The following MYCBP2 variants were observed in gnomAD, a reference collection of about 807,000 sequenced individuals.
The protein encoded by MYCBP2 is E3 ubiquitin-protein ligase MYCBP2.
Under a neutral mutation model 525.3 loss-of-function variants are expected in MYCBP2, and 120 were observed. The observed-to-expected ratio is 0.23, with a 90% CI of 0.20 to 0.27. The LOEUF (loss-of-function observed/expected upper bound fraction) is 0.27, where lower values mean the gene tolerates loss of function less well. Among genes scored for constraint, MYCBP2 ranks in the 10% least tolerant of loss-of-function variants. The pLI is 1.00. For missense variants in MYCBP2, 4,149 were observed against 5,657.1 expected, an observed-to-expected ratio of 0.73 and a Z score of 8.55; for synonymous variants, 1,894 against 1,955.8, an observed-to-expected ratio of 0.97 and a Z score of 0.83.
At position 77,067,730 on chromosome 13, in the gene MYCBP2, C is replaced by A; in HGVS notation, c.12306G>T (p.Lys4102Asn). 6.2e-7 allele frequency: 1 copy of A among 1,614,138 alleles called. No individual in the cohort carries two copies. Among genetic ancestry groups the A allele is most frequent in the Non-Finnish European group, 8.5e-7 (1 of 1,180,026 alleles). ...CTAGAAACATGTCCAAGATACCCAG[C>A]TTATTCCAGTCTCCTTTCTCTGTTG... The part of the protein sequence containing the change: ...IHSTEKGDWN[K>N]LGILDMFLGC... Residue 4102 changes from lysine (K) to asparagine (N), a missense_variant, in exon 71 of 83, where the codon AAG (lysine) becomes AAT (asparagine). By Grantham distance (94) the Lys-to-Asn change is moderately conservative. Coordinates refer to ENST00000544440, the MANE Select transcript of MYCBP2 (RefSeq NM_015057.5).
At chr13:77,209,162 G>C (rs957239071) in intron 23 of MYCBP2, among the ~76,000 whole-genome samples, 6 of 152,092 alleles carry the variant, frequency 3.9e-5, no homozygotes, top group Admixed American at 6.6e-5. Context: ...ATTGATCAAG[G>C]AGCTGGCAGG....
rs1266798981 is a variant in MYCBP2, at chr13:77,098,323, T to A, written c.8831A>T (p.Asn2944Ile). 6.2e-7 allele frequency: 1 copy of A among 1,611,832 alleles called. No individual in the cohort carries two copies. The highest frequency in any genetic ancestry group is 1.1e-5 in the South Asian group (1 of 91,078). The change falls in exon 56 of 83, where the codon AAT becomes ATT. Residue 2944 changes from asparagine to isoleucine, a missense_variant. This residue lies in a region of MYCBP2 where 653 missense variants were observed against 744.7 expected (regional missense o/e 0.88). Coordinates refer to ENST00000544440, the MANE Select transcript of MYCBP2 (RefSeq NM_015057.5). ...EVCTSSTLKT[N>I]SLTDSTCDDS... ...ATCGCAGGTGCTGTCTGTTAGACTA[T>A]TTGTTTTTAAAGTACTTGAGGTGCA... is the stretch of plus-strand genomic sequence containing the variant.
rs1594201997 is a variant in MYCBP2 at position 77,237,004 on chromosome 13, C to T, written c.2630-3741G>A. On this transcript the variant is annotated intron_variant, in intron 17 of 82. Transcript: ENST00000544440. ...ACATTTTTAAAACAATGTGAATTAT[C>T]TGTTAAAATTTAAGACAGATATATA... Among the ~76,000 whole-genome samples, 3 of 152,132 alleles carry T rather than the reference C, an allele frequency of 2.0e-5. No individual in the cohort carries two copies. In the South Asian group the frequency reaches 6.2e-4, roughly 32 times the overall value.
At chr13:77,078,478 TG>T (rs1181479002) in intron 66 of MYCBP2, among the ~76,000 whole-genome samples, 5 of 152,198 alleles carry the variant, frequency 3.3e-5, no homozygotes, top group Non-Finnish European at 7.3e-5. Flanking sequence ...GACAATAACC[TG>T]TATTAACTCA....
intron 67 of MYCBP2, 103 bp from the exon 68 acceptor site, chr13:77,076,952 C>G (rs1198478772): frequency 8.9e-7 from 1 of 1,119,484 alleles, no homozygotes; most frequent in African/African-American, 1.6e-5. Flanking sequence ...ATATGCTACT[C>G]TTGCTAATAT....
At chr13:77,077,666 T>C (rs533227444) in intron 66 of MYCBP2, 3 of 308,292 alleles carry the variant, frequency 9.7e-6, no homozygotes, top group East Asian at 6.2e-5. Flanking sequence ...CTGACTACGA[T>C]ATGGCTTCCG....
At chr13:77,129,505 T>C (rs942361621) in intron 52 of MYCBP2, 2 of 249,360 alleles carry the variant, frequency 8.0e-6, no homozygotes, top group Non-Finnish European at 1.5e-5. Context: ...AAGCTTAAGA[T>C]ACTCAATGCA....
At chr13:77,237,715 G>C (rs1248180972) in intron 17 of MYCBP2, among the ~76,000 whole-genome samples, 1 of 151,954 alleles carries the variant, frequency 6.6e-6, no homozygotes, top group Non-Finnish European at 1.5e-5. Context: ...ATCTATCACA[G>C]TATGAAATTA....
intron 52 of MYCBP2, chr13:77,129,340 C>A: frequency 2.6e-6 from 1 of 389,550 alleles, no homozygotes; most frequent in Non-Finnish European, 4.5e-6. Context: ...CTAGCACCAA[C>A]ATGGAAATAT....
In MYCBP2 at chr13:77,068,649, G is replaced by A. The variant is rs778276349; in HGVS notation, c.12087C>T (p.Gly4029=). The change falls in exon 70 of 83, where the codon GGC becomes GGT. Residue 4029 remains glycine, a synonymous_variant. Coordinates refer to ENST00000544440, the MANE Select transcript of MYCBP2 (RefSeq NM_015057.5). ...MVLALSGSNV[G]RQYLAQQLTL... is the part of the protein sequence containing the mutation. ...TTAGCTGTTGAGCCAGATATTGCCG[G>A]CCAACGTTAGAGCCACTCAGTGCTA... 2.5e-6 allele frequency: 4 copies of A among 1,614,050 alleles called. No individual in the cohort carries two copies. The highest frequency in any genetic ancestry group is 2.2e-5 in the South Asian group (2 of 91,088).
intron 26 of MYCBP2, among the ~76,000 whole-genome samples, chr13:77,199,475 G>A (rs1267434174): frequency 3.3e-5 from 5 of 152,236 alleles, no homozygotes; most frequent in Admixed American, 1.3e-4. Flanking sequence ...AGGGGCGCCC[G>A]CCATTGCCCA....
chr13:77,242,983 G>T, intron 17 of MYCBP2, 76 bp downstream of exon 17: 1 of 1,229,236 alleles, frequency 8.1e-7, no homozygotes, highest in Non-Finnish European at 1.2e-6. Flanking sequence ...AGTTTATTGT[G>T]TGAACTTTTC....
At chr13:77,260,863 A>G (rs2073151100) in intron 12 of MYCBP2, among the ~76,000 whole-genome samples, 1 of 152,130 alleles carries the variant, frequency 6.6e-6, no homozygotes, top group Non-Finnish European at 1.5e-5. Context: ...GTTTTCTACC[A>G]AACTCCTGGA....
chr13:77,122,667 G>A (rs2050946467), intron 54 of MYCBP2, among the ~76,000 whole-genome samples: 1 of 146,334 alleles, frequency 6.8e-6, no homozygotes, highest in Non-Finnish European at 1.5e-5. Flanking sequence ...CCCAGCCTGG[G>A]TGACAGAGCG....
chr13:77,312,312 T>C (rs945505774), intron 1 of MYCBP2, among the ~76,000 whole-genome samples: 6 of 152,006 alleles, frequency 3.9e-5, no homozygotes, highest in Non-Finnish European at 7.4e-5. Context: ...AATAAATATA[T>C]AGGAAAACAC....
At position 77,271,035 on chromosome 13, in the gene MYCBP2, C is replaced by T. The variant is rs79548290; in HGVS notation, c.946-497G>A. On this transcript the variant is annotated intron_variant, in intron 5 of 82. Transcript: ENST00000544440. ...ATTTGGTTTTTCATTTCTAGGAGTTCGATTTGTTTTTTTTCCTAATGTCTG... is the reference window on the plus strand; with the variant it reads ...ATTTGGTTTTTCATTTCTAGGAGTTTGATTTGTTTTTTTTCCTAATGTCTG... 5.7e-3 allele frequency among the ~76,000 whole-genome samples: 873 copies of T among 151,992 alleles called. 6 individuals are homozygous for T. Among genetic ancestry groups the T allele is most frequent in the African/African-American group, 0.017 (712 of 41,482 alleles).
chr13:77,288,197 T>C lies in MYCBP2; in HGVS notation c.558A>G (p.Glu186=), dbSNP rs139570825. The change falls in exon 3 of 83, where the codon GAA becomes GAG. Residue 186 remains glutamate, a synonymous_variant. Transcript: ENST00000544440. The stretch of plus-strand genomic sequence containing the variant: ...TGATAGGGGGCTCTTTGGATTCCTC[T>C]TCTTCATCACTATCTGATTCTCCAC... ...VQSGESDSDE[E]EESKEPPIKL... The C allele has an allele frequency of 3.7e-6, 6 of 1,614,068 alleles. No individual in the cohort carries two copies. Among genetic ancestry groups the C allele is most frequent in the Non-Finnish European group, 5.1e-6 (6 of 1,180,030 alleles).
At chr13:77,303,494 T>G (rs147387384) in intron 1 of MYCBP2, among the ~76,000 whole-genome samples, 3 of 151,966 alleles carry the variant, frequency 2.0e-5, no homozygotes, top group Admixed American at 6.6e-5. Flanking sequence ...CTAAACAAAT[T>G]TCCAAGGACT....
intron 49 of MYCBP2, among the ~76,000 whole-genome samples, chr13:77,142,118 A>G (rs555412121): frequency 1.3e-5 from 2 of 152,364 alleles, no homozygotes; most frequent in African/African-American, 4.8e-5. Context: ...AAATTTTACC[A>G]GAATTTTTAG....
Sources: allele counts gnomAD v4.1 joint callset (sites outside exome capture counted in the v4.1 genomes callset), GRCh38; gene constraint gnomAD v4.1.1; regional missense constraint gnomAD v4.1.1; transcripts MANE v1.5; gene names NCBI Gene and HGNC (gene_info 2026-07-23, HGNC 2026-07-21).